The following ZNF385B variants were observed in gnomAD, a reference collection of about 807,000 sequenced individuals.
ZNF385B encodes the protein zinc finger protein 385B, also known as zinc finger protein 533.
A neutral mutation model predicts 39.2 loss-of-function variants in ZNF385B; 23 were observed. The observed-to-expected ratio is 0.59, with a 90% confidence interval of 0.42 to 0.83. The LOEUF is 0.83. Among genes scored for constraint, ZNF385B ranks in the 40% least tolerant of loss-of-function variants. The probability of loss-of-function intolerance (pLI) is 0.00; values close to 1 mark genes in which losing one functional copy is unlikely to be tolerated. For synonymous variants in ZNF385B, 205 were observed against 222.6 expected, an observed-to-expected ratio of 0.92 and a Z score of 0.70; for missense variants, 552 against 598.9, an observed-to-expected ratio of 0.92 and a Z score of 0.82.
chr2:179,846,547 A>T (rs1708809523), intron 1 of ZNF385B, among the ~76,000 whole-genome samples: 2 of 152,226 alleles, frequency 1.3e-5, no homozygotes, highest in Admixed American at 6.5e-5. Flanking sequence ...TTTATTTCAC[A>T]TACCAAGTCC....
chr2:179,819,434 T>A (rs1707268913), intron 1 of ZNF385B, among the ~76,000 whole-genome samples: 1 of 152,126 alleles, frequency 6.6e-6, no homozygotes, highest in South Asian at 2.1e-4. Context: ...CCCTAGCACT[T>A]CCTGGGATGC....
intron 3 of ZNF385B, among the ~76,000 whole-genome samples, chr2:179,743,432 AT>A (rs1702191520): frequency 6.6e-6 from 1 of 152,098 alleles, no homozygotes; most frequent in African/African-American, 2.4e-5. Context: ...TACATGTGTA[AT>A]CACTTAACCC....
At chr2:179,564,257 C>A (rs1684292377) in intron 3 of ZNF385B, among the ~76,000 whole-genome samples, 1 of 152,074 alleles carries the variant, frequency 6.6e-6, no homozygotes, top group African/African-American at 2.4e-5. Flanking sequence ...TGTACCAAGA[C>A]CAGTGGGAGA....
chr2:179,772,891 C>T (rs1190502316), intron 1 of ZNF385B, among the ~76,000 whole-genome samples: 1 of 152,156 alleles, frequency 6.6e-6, no homozygotes, highest in African/African-American at 2.4e-5. Flanking sequence ...ACCAAAAACT[C>T]TATGCTTTTT....
At chr2:179,680,480 A>G (rs1697416556) in intron 3 of ZNF385B, among the ~76,000 whole-genome samples, 2 of 152,102 alleles carry the variant, frequency 1.3e-5, no homozygotes, top group Non-Finnish European at 2.9e-5. Flanking sequence ...GGAAAATAGG[A>G]TAGTAGTTAT....
At chr2:179,674,274 A>T (rs1696446220) in intron 3 of ZNF385B, among the ~76,000 whole-genome samples, 1 of 152,206 alleles carries the variant, frequency 6.6e-6, no homozygotes, top group Non-Finnish European at 1.5e-5. Flanking sequence ...AATGTAGTGA[A>T]GGAGACGGAT....
rs376449558 is a variant in ZNF385B, at chr2:179,633,705, C to A, written c.299-88736G>T. Among the ~76,000 whole-genome samples the A allele has an allele frequency of 5.3e-5, 8 of 152,146 alleles. No individual in the cohort carries two copies. The East Asian group carries it at 1.4e-3, about 26-fold the overall frequency. On this transcript the variant is annotated intron_variant, in intron 3 of 9. Transcript: ENST00000410066. ...ATAGTGTTAGAAGTTCTGGCCAGGG[C>A]AATCAGGCAAGGGAAAGAAATAAAG...
At chr2:179,490,034 C>A (rs994848936) in intron 5 of ZNF385B, among the ~76,000 whole-genome samples, 11 of 152,176 alleles carry the variant, frequency 7.2e-5, no homozygotes, top group Admixed American at 3.9e-4. Context: ...TTTCAACATT[C>A]GTAGTATCTT....
At chr2:179,817,387 T>C (rs1206010302) in intron 1 of ZNF385B, among the ~76,000 whole-genome samples, 3 of 152,230 alleles carry the variant, frequency 2.0e-5, no homozygotes, top group Non-Finnish European at 4.4e-5. Context: ...ACTTATGTAA[T>C]CTCTCAACTT....
intron 1 of ZNF385B, among the ~76,000 whole-genome samples, chr2:179,778,748 T>C (rs1466486043): frequency 6.6e-6 from 1 of 152,190 alleles, no homozygotes; most frequent in East Asian, 1.9e-4. Context: ...AAAATAATTT[T>C]TATCATTCTA....
In ZNF385B at chr2:179,518,614, T is replaced by C. The variant is rs2058262834; in HGVS notation, c.466A>G (p.Ile156Val). 1.3e-6 allele frequency: 2 copies of C among 1,599,824 alleles called. No individual in the cohort carries two copies. The highest frequency in any genetic ancestry group is 1.1e-5 in the South Asian group (1 of 88,214). Reference sequence around the variant, plus strand: ...ATGGATACTCCAAATGTATGGTTAATAACCGCTTTTTGCACAGGATCCATC... The same window carrying C: ...ATGGATACTCCAAATGTATGGTTAACAACCGCTTTTTGCACAGGATCCATC... The part of the protein sequence containing the change: ...NTMDPVQKAV[I>V]NHTFGVSIPP... Residue 156 changes from isoleucine (I) to valine (V), a missense_variant, in exon 5 of 10, where the codon ATT becomes GTT. Transcript: ENST00000410066.
At chr2:179,723,809 T>C (rs1700838411) in intron 3 of ZNF385B, among the ~76,000 whole-genome samples, 1 of 152,184 alleles carries the variant, frequency 6.6e-6, no homozygotes, top group Admixed American at 6.5e-5. Flanking sequence ...GAAAATATTA[T>C]ATATTTTTCA....
At chr2:179,836,513 C>CTTTTTTTTTTTTT (rs755278598) in intron 1 of ZNF385B, among the ~76,000 whole-genome samples, 13 of 124,176 alleles carry the variant, frequency 1.0e-4, no homozygotes, top group South Asian at 2.5e-4. Context: ...CTTGCGTTTT[C>CTTTTTTTTTTTTT]TTTTTTTTTT....
At chr2:179,643,670 T>C (rs764816510) in intron 3 of ZNF385B, among the ~76,000 whole-genome samples, 3 of 152,096 alleles carry the variant, frequency 2.0e-5, no homozygotes, top group African/African-American at 4.8e-5. Flanking sequence ...GGTAAAACTA[T>C]AGTGGTGGAG....
intron 3 of ZNF385B, among the ~76,000 whole-genome samples, chr2:179,765,564 T>C (rs1444290856): frequency 2.6e-5 from 4 of 152,196 alleles, no homozygotes; most frequent in Admixed American, 2.6e-4. Flanking sequence ...TTCTTTGCTG[T>C]GGTACATGTA....
intron 3 of ZNF385B, among the ~76,000 whole-genome samples, chr2:179,742,464 CA>C (rs576838755): frequency 1.3e-5 from 2 of 151,976 alleles, no homozygotes; most frequent in African/African-American, 2.4e-5. Flanking sequence ...AAGTATGTCC[CA>C]AATATTGCAT....
intron 3 of ZNF385B, among the ~76,000 whole-genome samples, chr2:179,594,671 G>A (rs1421868658): frequency 6.6e-6 from 1 of 152,152 alleles, no homozygotes; most frequent in Admixed American, 6.5e-5. Flanking sequence ...TTTGAAGCCA[G>A]TTCAGATAAA....
At position 179,815,062 on chromosome 2, in the gene ZNF385B, C is replaced by T. The variant is rs181089530; in HGVS notation, c.-154-44390G>A. ...TCTCTATCGTTTTTGTCTAGTTAGACGGGAATACAAATTGGGGAAAGGCCT... is the reference window on the plus strand; with the variant it reads ...TCTCTATCGTTTTTGTCTAGTTAGATGGGAATACAAATTGGGGAAAGGCCT... On this transcript the variant is annotated intron_variant, in intron 1 of 9. Coordinates refer to ENST00000410066, the MANE Select transcript of ZNF385B (RefSeq NM_152520.6). Among the ~76,000 whole-genome samples, 18 of 152,040 alleles carry T rather than the reference C, an allele frequency of 1.2e-4. No homozygotes were observed. The East Asian group carries it at 2.3e-3, about 20-fold the overall frequency.
intron 3 of ZNF385B, among the ~76,000 whole-genome samples, chr2:179,645,223 C>T (rs3106694): frequency 0.72 from 109,851 of 152,114 alleles, 39,985 homozygotes; most frequent in African/African-American, 0.81. Flanking sequence ...TCTGTCACTT[C>T]CAGGAATCAT....
Sources: allele counts gnomAD v4.1 joint callset (sites outside exome capture counted in the v4.1 genomes callset), GRCh38; gene constraint gnomAD v4.1.1; transcripts MANE v1.5; gene names NCBI Gene and HGNC (gene_info 2026-07-23, HGNC 2026-07-21).